The following MAST3 variants were observed in gnomAD, a reference collection of about 807,000 sequenced individuals.
MAST3 encodes the protein microtubule-associated serine/threonine-protein kinase 3.
MAST3 carries 43 observed loss-of-function variants against 127.0 expected under a neutral mutation model. That is an observed-to-expected ratio of 0.34 (90% confidence interval 0.27 to 0.44). The LOEUF is 0.44. Ranked by LOEUF, MAST3 falls within the 20% of genes least tolerant of loss-of-function variation. The pLI, the probability that MAST3 is intolerant of heterozygous loss-of-function variation, is 1.00. For missense variants in MAST3, 1,390 were observed against 1,919.1 expected (o/e 0.72, Z 5.15); for synonymous variants, 785 against 809.2 (o/e 0.97, Z 0.51).
chr19:18,142,236 T>C (rs1045883227), intron 21 of MAST3, among the ~76,000 whole-genome samples: 12 of 152,138 alleles, frequency 7.9e-5, no homozygotes, highest in South Asian at 2.1e-4. Context: ...CTAGGCACAC[T>C]TTTCCTTCTG....
Position 18,130,921 on chromosome 19 carries a change from G to A in MAST3, c.1432+219G>A, listed in dbSNP as rs373092074. On this transcript the variant is annotated intron_variant, in intron 14 of 27. Transcript: ENST00000687212. ...AGGAGTGTGTGAGGATGGGACCCTG[G>A]AGGCAAGAGGAGGGTGGCCATCCTA... Among the ~76,000 whole-genome samples, 12 of 152,326 alleles carry A rather than the reference G, an allele frequency of 7.9e-5. No homozygotes were observed. The East Asian group carries it at 1.5e-3, about 20-fold the overall frequency.
rs781134615 is a variant in MAST3, at chr19:18,146,966, G to A, written c.3248G>A (p.Gly1083Asp). 6.4e-7 allele frequency: 1 copy of A among 1,564,070 alleles called. No individual in the cohort carries two copies. Among genetic ancestry groups the A allele is most frequent in the Non-Finnish European group, 8.7e-7 (1 of 1,154,286 alleles). ...VGPARKNVAKGRMARRSKRSR... is the reference protein window; with the variant it reads ...VGPARKNVAKDRMARRSKRSR... ...CCCGCCCGGAAGAATGTGGCCAAGG[G>A]CCGCATGGCACGCAGGAGCAAGAGG... The change falls in exon 26 of 28, where the codon GGC becomes GAC. Residue 1083 changes from glycine to aspartate, a missense_variant. Gly to Asp is a moderately conservative substitution (Grantham distance 94, BLOSUM62 -1). This residue lies in a region of MAST3 where 816 missense variants were observed against 934.1 expected (regional missense o/e 0.87). Coordinates refer to ENST00000687212, the MANE Select transcript of MAST3 (RefSeq NM_001393504.1).
chr19:18,134,754 T>A (rs2041714532), intron 16 of MAST3, 43 bp downstream of exon 16: 1 of 1,613,356 alleles, frequency 6.2e-7, no homozygotes, highest in South Asian at 1.1e-5. Flanking sequence ...TGCCTCCTCC[T>A]CTCTCCTGGG....
In MAST3 at chr19:18,123,587, C is replaced by A. The variant is rs751154441; in HGVS notation, c.565C>A (p.Arg189Ser). Residue 189 changes from arginine (R) to serine (S), a missense_variant, in exon 8 of 28, where the codon CGT (arginine) becomes AGT (serine). By Grantham distance (110) the Arg-to-Ser change is moderately radical (BLOSUM62 -1). Around this residue, in one of 5 missense-constraint regions of MAST3, gnomAD observed 277 missense variants for 384.8 expected, o/e 0.72. Transcript: ENST00000687212. Reference sequence around the variant, plus strand: ...CAGCTGTCTTCCTTTCAGCCCGGGCCGTGCAACGGGGACCTTCGACAATGA... The same window carrying A: ...CAGCTGTCTTCCTTTCAGCCCGGGCAGTGCAACGGGGACCTTCGACAATGA... Reference protein sequence around the residue: ...RPRSRSLSPGRATGTFDNEIV... With the variant: ...RPRSRSLSPGSATGTFDNEIV... The A allele has an allele frequency of 1.3e-6, 2 of 1,581,246 alleles. No homozygotes were observed. Among genetic ancestry groups the A allele is most frequent in the African/African-American group, 1.3e-5 (1 of 74,250 alleles).
In MAST3 at chr19:18,116,090, C is replaced by CTTTTTTTTTTTTT. The variant is rs3048876; in HGVS notation, c.161+5358_161+5370dup. 3.5e-4 allele frequency among the ~76,000 whole-genome samples: 30 copies of CTTTTTTTTTTTTT among 86,350 alleles called. 3 individuals carry two copies. Among genetic ancestry groups the CTTTTTTTTTTTTT allele is most frequent in the African/African-American group, 1.4e-3 (26 of 18,378 alleles). 56.6% of individuals were successfully genotyped at this position (86,350 alleles called of 152,430 possible). A position where few individuals can be genotyped will look rare whatever the true frequency, so the allele number is the denominator to read the frequency against. ...TCTCAGCCTTGGTATTTGAAATTAT[C>CTTTTTTTTTTTTT]TTTTTTTTTTTTTTTTTTTTTGAGA... On this transcript the variant is annotated intron_variant, in intron 3 of 27. Coordinates refer to ENST00000687212, the MANE Select transcript of MAST3 (RefSeq NM_001393504.1).
intron 13 of MAST3, 100 bp from the exon 14 acceptor site, chr19:18,130,394 G>A: frequency 3.6e-6 from 4 of 1,099,538 alleles, no homozygotes; most frequent in Non-Finnish European, 3.9e-6. Context: ...GCACAGCACA[G>A]GCAAAGGCCA....
rs1379230389 is a variant in MAST3 at position 18,121,934 on chromosome 19, C to A, written c.320+12C>A. ...CCCTTTGCCCGGAGGTGAGTGATTG[C>A]CGGCTTTGGGAGACAGTGCGGGCAC... On this transcript the variant is annotated intron_variant, in intron 5 of 27. Transcript: ENST00000687212. 6.2e-7 allele frequency: 1 copy of A among 1,613,982 alleles called. No individual in the cohort carries two copies. The highest frequency in any genetic ancestry group is 1.1e-5 in the South Asian group (1 of 91,084).
intron 3 of MAST3, 21 bp from the exon 4 acceptor site, chr19:18,121,642 GGCCCTGGGCAGCCACCTACCCT>G: frequency 6.5e-7 from 1 of 1,550,284 alleles, no homozygotes; most frequent in East Asian, 2.2e-5. Context: ...CTTAGCGCGG[GGCCCTGGGCAGCCACCTACCCT>G]GTCCCCTTTT....
In MAST3 at chr19:18,112,175, T is replaced by C. The variant is rs138884569; in HGVS notation, c.161+1434T>C. ...ACTGAGGTGGTGGGTTTTTTGTTTT[T>C]GTTTTTTGAGACAGTCTCACTTTGT... On this transcript the variant is annotated intron_variant, in intron 3 of 27. Coordinates refer to ENST00000687212, the MANE Select transcript of MAST3 (RefSeq NM_001393504.1). The surrounding 1 kb of genome is among the most constrained non-coding windows in gnomAD (Gnocchi z 4.1). 3.1e-3 allele frequency among the ~76,000 whole-genome samples: 468 copies of C among 152,346 alleles called. 4 individuals carry two copies. Among genetic ancestry groups the C allele is most frequent in the African/African-American group, 0.011 (444 of 41,586 alleles).
At chr19:18,146,061 C>T (rs535521222) in intron 25 of MAST3, among the ~76,000 whole-genome samples, 196 bp downstream of exon 25, 2 of 152,324 alleles carry the variant, frequency 1.3e-5, no homozygotes, top group Admixed American at 1.3e-4. Flanking sequence ...AGCTGCTCCT[C>T]CAGGAAGCCC....
intron 1 of MAST3, among the ~76,000 whole-genome samples, chr19:18,101,453 G>C (rs1267650690): frequency 6.6e-6 from 1 of 150,764 alleles, no homozygotes; most frequent in Non-Finnish European, 1.5e-5. Flanking sequence ...AATTCCAGGG[G>C]CATCGAACTT....
chr19:18,120,095 G>A (rs1387725540), intron 3 of MAST3, among the ~76,000 whole-genome samples: 1 of 152,218 alleles, frequency 6.6e-6, no homozygotes, highest in Non-Finnish European at 1.5e-5. Flanking sequence ...AGCCAGGCAG[G>A]GTGTGAGAGA....
rs750740963 is a variant in MAST3 at position 18,131,953 on chromosome 19, G to A, written c.1477G>A (p.Val493Met). The A allele has an allele frequency of 1.1e-5, 18 of 1,612,950 alleles. No individual in the cohort carries two copies. The highest frequency in any genetic ancestry group is 3.3e-5 in the Admixed American group (2 of 59,820). ...TLLKNMGPLP[V>M]DMARLYFAET... ...CCTGAAGAACATGGGCCCGCTGCCC[G>A]TGGACATGGCCCGCCTGTACTTCGC... Residue 493 changes from valine (V) to methionine (M), a missense_variant, in exon 15 of 28, where the codon GTG (valine) becomes ATG (methionine). Val to Met is a conservative substitution (Grantham distance 21). Transcript: ENST00000687212.
In MAST3 at chr19:18,144,925, G is replaced by A. The variant is rs2042878911; in HGVS notation, c.2813-78G>A. 2.2e-6 allele frequency: 2 copies of A among 899,816 alleles called. No homozygotes were observed. The highest frequency in any genetic ancestry group is 1.8e-6 in the Non-Finnish European group (1 of 565,208). The allele number at this position is 899,816 out of a possible 1,614,324, so 55.7% of individuals were successfully genotyped here. On this transcript the variant is annotated intron_variant, in intron 23 of 27. Coordinates refer to ENST00000687212, the MANE Select transcript of MAST3 (RefSeq NM_001393504.1). This position sits in a 1 kb window ranked among gnomAD's most constrained non-coding sequence, Gnocchi z 4.0. ...GAAGCAACAGCAAAGTGGCCAGGGT[G>A]GTCGTTGTGGTGGGAAAGAGGGGGC... is the stretch of plus-strand genomic sequence containing the variant.
rs759882345 is a variant in MAST3, at chr19:18,149,572, G to A, written c.3890G>A (p.Arg1297His). ...VVMRRLHLSE[R>H]RDSFKKQEAV... ...ATGCGGCGGCTGCACCTGTCCGAGC[G>A]CCGAGACTCCTTCAAGAAGCAGGAG... Residue 1297 changes from arginine to histidine, a missense_variant, in exon 28 of 28, where the codon CGC becomes CAC. By Grantham distance (29) the Arg-to-His change is conservative. This residue lies in a region of MAST3 where 816 missense variants were observed against 934.1 expected (regional missense o/e 0.87). Coordinates refer to ENST00000687212, the MANE Select transcript of MAST3 (RefSeq NM_001393504.1). The surrounding 1 kb of genome is among the most constrained non-coding windows in gnomAD (Gnocchi z 5.9). 3.8e-6 allele frequency: 6 copies of A among 1,599,798 alleles called. No homozygotes were observed. Among genetic ancestry groups the A allele is most frequent in the South Asian group, 2.2e-5 (2 of 89,380 alleles).
rs867663456 is a variant in MAST3 at position 18,124,679 on chromosome 19, C to T, written c.983C>T (p.Ala328Val). 3.1e-6 allele frequency: 5 copies of T among 1,608,632 alleles called. No homozygotes were observed. The highest frequency in any genetic ancestry group is 2.2e-5 in the East Asian group (1 of 44,774). ...DPEEFYHLLE[A>V]AEGHAREGQG... ...GAGGAATTTTACCACCTGCTGGAGG[C>T]GGCTGAGGGCCATGCGCGGGAGGGC... Residue 328 changes from alanine to valine, a missense_variant, in exon 11 of 28, where the codon GCG becomes GTG. Around this residue, in one of 5 missense-constraint regions of MAST3, gnomAD observed 277 missense variants for 384.8 expected, o/e 0.72. Transcript: ENST00000687212.
At position 18,110,061 on chromosome 19, in the gene MAST3, G is replaced by A. The variant is rs2146921544; in HGVS notation, c.72-591G>A. The A allele has an allele frequency of 1.3e-5, 13 of 985,306 alleles. No homozygotes were observed. Among genetic ancestry groups the A allele is most frequent in the South Asian group, 4.7e-5 (1 of 21,288 alleles). 61.0% of individuals were successfully genotyped at this position (985,306 alleles called of 1,614,324 possible). ...CTGCGGCAGACAGGGCGGCACCCGCGGCTCCCCTTTCCCGCTGCGCGACCC... is the reference window on the plus strand; with the variant it reads ...CTGCGGCAGACAGGGCGGCACCCGCAGCTCCCCTTTCCCGCTGCGCGACCC... On this transcript the variant is annotated intron_variant, in intron 2 of 27. Transcript: ENST00000687212. The surrounding 1 kb of genome is among the most constrained non-coding windows in gnomAD (Gnocchi z 4.3).
intron 3 of MAST3, among the ~76,000 whole-genome samples, chr19:18,119,971 C>G (rs947707560): frequency 5.3e-5 from 8 of 152,164 alleles, no homozygotes; most frequent in African/African-American, 1.7e-4. Flanking sequence ...GGCTGATGCT[C>G]TTGTGGAGCA....
At chr19:18,125,044 T>A (rs1272529149) in intron 11 of MAST3, among the ~76,000 whole-genome samples, 1 of 151,566 alleles carries the variant, frequency 6.6e-6, no homozygotes, top group Non-Finnish European at 1.5e-5. Flanking sequence ...GAGATGGAGG[T>A]TGCAGTGAGC....
Sources: gnomAD v4.1 joint callset for allele counts (sites outside exome capture counted in the v4.1 genomes callset) on GRCh38, gnomAD v4.1.1 for gene constraint, gnomAD v4.1.1 regional missense constraint, Gnocchi (gnomAD v3.1) non-coding constraint, MANE v1.5 for transcripts, NCBI Gene and HGNC (gene_info 2026-07-23, HGNC 2026-07-21) for gene names.